Variants in DDX60L observed in about 807,000 individuals in gnomAD.
DDX60L encodes the protein probable ATP-dependent RNA helicase DDX60-like.
Under a neutral mutation model 211.6 loss-of-function variants are expected in DDX60L, and 191 were observed. The ratio of observed to expected loss-of-function variants is 0.90; its 90% CI spans 0.80 to 1.02. The LOEUF is 1.02. Ranked by LOEUF, DDX60L falls within the 50% of genes least tolerant of loss-of-function variation. DDX60L has a pLI of 0.00. For synonymous variants in DDX60L, 706 were observed against 694.1 expected (o/e 1.02, Z -0.27); for missense variants, 2,007 against 1,984.1 (o/e 1.01, Z -0.22).
chr4:168,453,385 C>T, intron 7 of DDX60L, 103 bp from the exon 8 acceptor site: 1 of 1,245,426 alleles, frequency 8.0e-7, no homozygotes, highest in East Asian at 2.6e-5. Flanking sequence ...TTTACATCTA[C>T]ATTTGTGAGA....
chr4:168,370,175 T>C (rs1316997346), intron 36 of DDX60L, among the ~76,000 whole-genome samples: 1 of 152,094 alleles, frequency 6.6e-6, no homozygotes, highest in Non-Finnish European at 1.5e-5. Flanking sequence ...AACTTAAGTG[T>C]CCAACAGTGG....
chr4:168,407,937 T>C (rs980561072), intron 22 of DDX60L, among the ~76,000 whole-genome samples: 1 of 152,384 alleles, frequency 6.6e-6, no homozygotes, highest in Middle Eastern at 3.4e-3. Context: ...TTCTATGTTA[T>C]GCAACATAAA....
Position 168,357,881 on chromosome 4 carries a change from C to A in DDX60L, c.*266G>T. 3.5e-6 allele frequency: 1 copy of A among 287,462 alleles called. No homozygotes were observed. The highest frequency in any genetic ancestry group is 6.5e-6 in the Non-Finnish European group (1 of 155,006). The allele number at this position is 287,462 out of a possible 1,614,324, so 17.8% of individuals were successfully genotyped here. A position where few individuals can be genotyped will look rare whatever the true frequency, so the allele number is the denominator to read the frequency against. Reference sequence around the variant, plus strand: ...CATTAAGTCACCACCCAATCCCAATCACTTTTCTTACATTATCTCATTTAA... The same window carrying A: ...CATTAAGTCACCACCCAATCCCAATAACTTTTCTTACATTATCTCATTTAA... On this transcript the variant is annotated 3_prime_UTR_variant, in exon 38 of 38. Coordinates refer to ENST00000682922, the MANE Select transcript of DDX60L (RefSeq NM_001012967.3).
intron 4 of DDX60L, among the ~76,000 whole-genome samples, chr4:168,466,632 G>A (rs1474459311): frequency 1.3e-5 from 2 of 152,154 alleles, no homozygotes; most frequent in East Asian, 3.8e-4. Context: ...TTAAGAGTTG[G>A]TGCATGTTTC....
chr4:168,447,587 T>C (rs1398286324), intron 9 of DDX60L, among the ~76,000 whole-genome samples: 3 of 151,280 alleles, frequency 2.0e-5, no homozygotes, highest in Non-Finnish European at 3.0e-5. Context: ...GCACACATTA[T>C]TGTGGCATTA....
chr4:168,452,709 C>T (rs1755965948), intron 8 of DDX60L, among the ~76,000 whole-genome samples: 1 of 151,946 alleles, frequency 6.6e-6, no homozygotes. Context: ...AAAATATTAA[C>T]CGTTAACAGT....
chr4:168,426,294 C>T (rs1214225356), intron 14 of DDX60L, among the ~76,000 whole-genome samples: 2 of 152,156 alleles, frequency 1.3e-5, no homozygotes, highest in East Asian at 3.9e-4. Flanking sequence ...ACTCCTGGGT[C>T]AGAAACAAAA....
At position 168,378,408 on chromosome 4, in the gene DDX60L, T is replaced by C; in HGVS notation, c.4431A>G (p.Arg1477=). 1.9e-6 allele frequency: 3 copies of C among 1,546,248 alleles called. No individual in the cohort carries two copies. Among genetic ancestry groups the C allele is most frequent in the Non-Finnish European group, 2.6e-6 (3 of 1,134,862 alleles). Residue 1477 remains arginine, a synonymous_variant, in exon 33 of 38, where the codon AGA becomes AGG. Transcript: ENST00000682922. ...TTTGGAATTTTGCTGGAATATATTT[T>C]CTTCCAAACAAATTTGCCAATACTA... ...LVLVLANLFG[R]KYIPAKFQNA...
intron 4 of DDX60L, chr4:168,471,493 C>A: frequency 3.4e-6 from 1 of 294,384 alleles, no homozygotes; most frequent in Non-Finnish European, 6.1e-6. Context: ...ATATACCCCT[C>A]AGCCCAGGCT....
chr4:168,379,526 T>C lies in DDX60L; in HGVS notation c.4222-22A>G, dbSNP rs376620813. On this transcript the variant is annotated intron_variant, in intron 31 of 37. Transcript: ENST00000682922. ...AGTCCTAAAAATGAGAAACAAAAAG[T>C]TGATTTAACTTGTCATGTACTCAAA... The C allele has an allele frequency of 1.1e-5, 17 of 1,505,494 alleles. No individual in the cohort carries two copies. In the African/African-American group the frequency reaches 2.1e-4, roughly 19 times the overall value. The allele number at this position is 1,505,494 out of a possible 1,614,324, so 93.3% of individuals were successfully genotyped here. A position where few individuals can be genotyped will look rare whatever the true frequency, so the allele number is the denominator to read the frequency against.
chr4:168,391,129 T>C (rs1744736498), intron 29 of DDX60L, among the ~76,000 whole-genome samples: 1 of 152,060 alleles, frequency 6.6e-6, no homozygotes, highest in African/African-American at 2.4e-5. Flanking sequence ...ACCCAGGAAT[T>C]GATAATACCA....
chr4:168,365,929 C>A (rs577971946), intron 36 of DDX60L, among the ~76,000 whole-genome samples: 2 of 152,136 alleles, frequency 1.3e-5, no homozygotes, highest in Admixed American at 6.5e-5. Context: ...ACCATATGAT[C>A]TTTTGATAGA....
At chr4:168,409,240 C>T (rs954375817) in intron 22 of DDX60L, among the ~76,000 whole-genome samples, 16 of 152,160 alleles carry the variant, frequency 1.1e-4, no homozygotes, top group African/African-American at 3.9e-4. Flanking sequence ...CTGCAGAAGT[C>T]ATACAGGGTC....
chr4:168,385,039 A>G (rs1487621282), intron 29 of DDX60L, among the ~76,000 whole-genome samples: 1 of 152,218 alleles, frequency 6.6e-6, no homozygotes, highest in Non-Finnish European at 1.5e-5. Context: ...TTGCTGGCAT[A>G]TGACTCATAA....
intron 10 of DDX60L, among the ~76,000 whole-genome samples, chr4:168,437,171 A>G (rs888614298): frequency 3.9e-5 from 6 of 152,230 alleles, no homozygotes; most frequent in African/African-American, 1.4e-4. Context: ...TTCGAGTCCT[A>G]ATTCGCACTA....
intron 1 of DDX60L, among the ~76,000 whole-genome samples, chr4:168,477,659 A>C (rs1435146872): frequency 6.6e-6 from 1 of 152,200 alleles, no homozygotes; most frequent in Non-Finnish European, 1.5e-5. Flanking sequence ...ACCCTAATGG[A>C]CAGATAATAG....
rs945425976 is a variant in DDX60L, at chr4:168,396,146, A to AC, written c.3492-23_3492-22insG. The AC allele has an allele frequency of 3.6e-6, 5 of 1,394,690 alleles. No homozygotes were observed. In the African/African-American group the frequency reaches 4.4e-5, roughly 12 times the overall value. The allele number at this position is 1,394,690 out of a possible 1,614,324, so 86.4% of individuals were successfully genotyped here. A position where few individuals can be genotyped will look rare whatever the true frequency, so the allele number is the denominator to read the frequency against. ...AGTGCTACTATTTAAAAAAAAAAAA[A>AC]AACTTTTAAGTAATGAAAACTCATA... On this transcript the variant is annotated intron_variant, in intron 26 of 37. Coordinates refer to ENST00000682922, the MANE Select transcript of DDX60L (RefSeq NM_001012967.3).
At chr4:168,379,700 A>G (rs1035459799) in intron 31 of DDX60L, 26 bp downstream of exon 31, 1 of 1,577,270 alleles carries the variant, frequency 6.3e-7, no homozygotes, top group African/African-American at 1.4e-5. Flanking sequence ...AGTTACAGAG[A>G]ACAAAAAGCC....
intron 36 of DDX60L, among the ~76,000 whole-genome samples, chr4:168,369,875 T>A (rs1013722086): frequency 6.6e-6 from 1 of 152,152 alleles, no homozygotes; most frequent in Non-Finnish European, 1.5e-5. Context: ...AAATACCACC[T>A]CACTCTAGTT....
Sources: gnomAD v4.1 joint callset for allele counts (sites outside exome capture counted in the v4.1 genomes callset) on GRCh38, gnomAD v4.1.1 for gene constraint, MANE v1.5 for transcripts, NCBI Gene and HGNC (gene_info 2026-07-23, HGNC 2026-07-21) for gene names.